Variants in MRC1 observed in about 807,000 individuals in gnomAD.
MRC1 encodes macrophage mannose receptor 1.
Under a neutral mutation model 102.9 loss-of-function variants are expected in MRC1, and 62 were observed. The ratio of observed to expected loss-of-function variants is 0.60; its 90% confidence interval spans 0.49 to 0.74. The LOEUF (loss-of-function observed/expected upper bound fraction) is 0.74. Ranked by LOEUF, MRC1 falls within the 30% of genes least tolerant of loss-of-function variation. The probability of loss-of-function intolerance (pLI) is 0.00; values close to 1 mark genes in which losing one functional copy is unlikely to be tolerated. For synonymous variants in MRC1, 457 were observed against 298.4 expected (o/e 1.53, Z -5.48); for missense variants, 1,237 against 862.8 (o/e 1.43, Z -5.43).
chr10:17,880,215 G>A (rs1184508422), intron 19 of MRC1, among the ~76,000 whole-genome samples: 1 of 152,152 alleles, frequency 6.6e-6, no homozygotes, highest in Non-Finnish European at 1.5e-5. Flanking sequence ...ATACTATGTA[G>A]ATGCTCGGTG....
chr10:17,816,683 G>A (rs1425127196), intron 1 of MRC1, among the ~76,000 whole-genome samples: 1 of 152,226 alleles, frequency 6.6e-6, no homozygotes, highest in East Asian at 1.9e-4. Context: ...AGGCCGAGGA[G>A]AAATAGTATA....
Position 17,870,853 on chromosome 10 carries a change from G to A in MRC1, c.2117G>A (p.Ser706Asn). ...QQTIWRLITASGSYHKLFWLG... is the reference protein window; with the variant it reads ...QQTIWRLITANGSYHKLFWLG... ...TTATGTTTTGGATTTCATAGAGCTA[G>A]TGGAAGCTACCACAAACTGTTTTGG... The change falls in exon 14 of 30, where the codon AGT (serine) becomes AAT (asparagine). Residue 706 changes from serine (S) to asparagine (N), a missense_variant. Coordinates refer to ENST00000569591, the MANE Select transcript of MRC1 (RefSeq NM_002438.4). The A allele has an allele frequency of 3.4e-6, 3 of 872,432 alleles. No homozygotes were observed. The highest frequency in any genetic ancestry group is 4.0e-6 in the Non-Finnish European group (2 of 501,252). 54.0% of individuals were successfully genotyped at this position (872,432 alleles called of 1,614,324 possible).
chr10:17,870,907 A>G lies in MRC1; in HGVS notation c.2171A>G (p.Glu724Gly), dbSNP rs940954733. Residue 724 changes from glutamate (E) to glycine (G), a missense_variant, in exon 14 of 30, where the codon GAA becomes GGA. Physicochemically the swap from Glu to Gly is moderately conservative, Grantham distance 98. Transcript: ENST00000569591. The stretch of plus-strand genomic sequence containing the variant: ...GGATTGACATATGGAAGCCCTTCAG[A>G]AGGTTTTACTTGGAGTGATGGTTCT... ...WLGLTYGSPS[E>G]GFTWSDGSPV... 20 of 872,288 alleles carry G rather than the reference A, an allele frequency of 2.3e-5. No individual in the cohort carries two copies. In the African/African-American group the frequency reaches 2.9e-4, roughly 13 times the overall value. 54.0% of individuals were successfully genotyped at this position (872,288 alleles called of 1,614,324 possible). A position where few individuals can be genotyped will look rare whatever the true frequency, so the allele number is the denominator to read the frequency against.
intron 2 of MRC1, among the ~76,000 whole-genome samples, chr10:17,825,287 T>A (rs1410908975): frequency 6.6e-6 from 1 of 152,170 alleles, no homozygotes; most frequent in Non-Finnish European, 1.5e-5. Context: ...GGAACCAGAA[T>A]TGTAGACTTA....
Position 17,827,437 on chromosome 10 carries a change from G to T in MRC1, c.464-105G>T. 3.0e-5 allele frequency: 15 copies of T among 499,624 alleles called. 2 individuals are homozygous for T. The highest frequency in any genetic ancestry group is 5.4e-5 in the East Asian group (1 of 18,662). 30.9% of individuals were successfully genotyped at this position (499,624 alleles called of 1,614,324 possible). The stretch of plus-strand genomic sequence containing the variant: ...AAATCCCTCTGTGGGTGCATCAAGT[G>T]TAATCAGAACAGTAAGACCAATTCC... On this transcript the variant is annotated intron_variant, in intron 2 of 29. Coordinates refer to ENST00000569591, the MANE Select transcript of MRC1 (RefSeq NM_002438.4).
At position 17,871,799 on chromosome 10, in the gene MRC1, T is replaced by C. The variant is rs981430010; in HGVS notation, c.2200-183T>C. Reference sequence around the variant, plus strand: ...CGTTATTCAACATCACAAGGTTCCATGTAATGAAAGCTGTTTCTTTTCTAC... The same window carrying C: ...CGTTATTCAACATCACAAGGTTCCACGTAATGAAAGCTGTTTCTTTTCTAC... On this transcript the variant is annotated intron_variant, in intron 14 of 29. Transcript: ENST00000569591. Among the ~76,000 whole-genome samples, 424 of 152,320 alleles carry C rather than the reference T, an allele frequency of 2.8e-3. 3 individuals are homozygous for C. In the South Asian group the frequency reaches 0.033, roughly 12 times the overall value.
intron 5 of MRC1, chr10:17,845,038 G>T (rs533113067): frequency 1.8e-5 from 13 of 738,772 alleles, no homozygotes; most frequent in East Asian, 5.2e-5. Flanking sequence ...TGGGGGAAAG[G>T]GTTGTTTCAA....
intron 1 of MRC1, 125 bp downstream of exon 1, chr10:17,809,651 C>T (rs1297275044): frequency 7.7e-6 from 6 of 781,192 alleles, no homozygotes; most frequent in South Asian, 5.5e-5. Context: ...TTCCCCTGCA[C>T]CACGCAGTCC....
intron 1 of MRC1, among the ~76,000 whole-genome samples, chr10:17,809,914 T>C (rs1838197473): frequency 2.0e-5 from 3 of 152,180 alleles, no homozygotes; most frequent in Admixed American, 6.5e-5. Flanking sequence ...AAACACCTTC[T>C]GAGTGTCTCT....
At chr10:17,889,099 A>T (rs1199655175) in intron 22 of MRC1, among the ~76,000 whole-genome samples, 1 of 152,002 alleles carries the variant, frequency 6.6e-6, no homozygotes, top group African/African-American at 2.4e-5. Flanking sequence ...CTTTCTTTTG[A>T]TTAGTGTTAG....
In MRC1 at chr10:17,845,005, G is replaced by A. The variant is rs1360620661; in HGVS notation, c.917-284G>A. The A allele has an allele frequency of 6.1e-6, 4 of 658,904 alleles. No homozygotes were observed. In the East Asian group the frequency reaches 1.2e-4, roughly 20 times the overall value. 40.8% of individuals were successfully genotyped at this position (658,904 alleles called of 1,614,324 possible). On this transcript the variant is annotated intron_variant, in intron 5 of 29. Transcript: ENST00000569591. ...GTTGTGACAACTGTTCAAGTTTTAA[G>A]GTGTAGCTTTATTAGCTGATAATGG...
chr10:17,907,498 T>G lies in MRC1; in HGVS notation c.3914-36T>G, dbSNP rs1833911468. On this transcript the variant is annotated intron_variant, in intron 27 of 29. Coordinates refer to ENST00000569591, the MANE Select transcript of MRC1 (RefSeq NM_002438.4). ...AACTTATTTTAAGATAGGTTATATT[T>G]AACTTTTGTCTTTATTGGTTTTATC... is the stretch of plus-strand genomic sequence containing the variant. 3 of 780,454 alleles carry G rather than the reference T, an allele frequency of 3.8e-6. No homozygotes were observed. The Admixed American group carries it at 5.1e-5, about 13-fold the overall frequency. The allele number at this position is 780,454 out of a possible 1,614,324, so 48.3% of individuals were successfully genotyped here.
chr10:17,887,638 A>G (rs1261811134), intron 22 of MRC1, among the ~76,000 whole-genome samples: 1 of 152,218 alleles, frequency 6.6e-6, no homozygotes, highest in Non-Finnish European at 1.5e-5. Flanking sequence ...AGAAAGGCAG[A>G]AACAATAAAA....
rs1833388441 is a variant in MRC1 at position 17,873,790 on chromosome 10, C to T, written c.2351C>T (p.Thr784Ile). The change falls in exon 16 of 30, where the codon ACA (threonine) becomes ATA (isoleucine). Residue 784 changes from threonine to isoleucine, a missense_variant. By Grantham distance (89) the Thr-to-Ile change is moderately conservative. Coordinates refer to ENST00000569591, the MANE Select transcript of MRC1 (RefSeq NM_002438.4). Reference sequence around the variant, plus strand: ...TTTTTCTCTTGTTTTACAGGACAAACACCAAAACCTGAGCCAACACCAGCT... The same window carrying T: ...TTTTTCTCTTGTTTTACAGGACAAATACCAAAACCTGAGCCAACACCAGCT... ...NWICQIQKGQ[T>I]PKPEPTPAPQ... 1 of 872,488 alleles carries T rather than the reference C, an allele frequency of 1.1e-6. No homozygotes were observed. Among genetic ancestry groups the T allele is most frequent in the African/African-American group, 1.6e-5 (1 of 61,304 alleles). 54.0% of individuals were successfully genotyped at this position (872,488 alleles called of 1,614,324 possible).
intron 23 of MRC1, 70 bp downstream of exon 23, chr10:17,894,382 CTTTCTTTCTTTCTTT>C: frequency 3.2e-6 from 2 of 626,364 alleles, no homozygotes; most frequent in African/African-American, 5.0e-5. Flanking sequence ...TTCTTTCTTT[CTTTCTTTCTTTCTTT>C]TTTTTTTTTT....
At chr10:17,817,247 CA>C (rs78486486) in intron 1 of MRC1, among the ~76,000 whole-genome samples, 47,780 of 89,204 alleles carry the variant, frequency 0.54, 9,410 homozygotes, top group Middle Eastern at 0.62. Context: ...GACTCTGTCT[CA>C]AAAAAAAAAA....
At chr10:17,861,939 T>C (rs1246781226) in intron 10 of MRC1, among the ~76,000 whole-genome samples, 3 of 152,222 alleles carry the variant, frequency 2.0e-5, no homozygotes, top group East Asian at 1.9e-4. Context: ...TTTGCTTTGC[T>C]ATGTTAACAG....
intron 1 of MRC1, among the ~76,000 whole-genome samples, chr10:17,811,531 AT>A (rs1263678974): frequency 1.3e-5 from 2 of 151,408 alleles, no homozygotes; most frequent in Admixed American, 1.3e-4. Context: ...CCCCTTCCAG[AT>A]TTTTTTTTCC....
intron 7 of MRC1, among the ~76,000 whole-genome samples, chr10:17,850,069 C>T (rs1388203877): frequency 1.3e-5 from 2 of 152,008 alleles, no homozygotes; most frequent in African/African-American, 4.8e-5. Flanking sequence ...AGCAGTCTAC[C>T]TTACACTTGT....
Sources: gnomAD v4.1 joint callset for allele counts (sites outside exome capture counted in the v4.1 genomes callset) on GRCh38, gnomAD v4.1.1 for gene constraint, MANE v1.5 for transcripts, NCBI Gene and HGNC (gene_info 2026-07-23, HGNC 2026-07-21) for gene names.